The following ATAD2B variants were observed in gnomAD, a reference collection of about 807,000 sequenced individuals.
The protein encoded by ATAD2B is ATPase family AAA domain containing 2B.
ATAD2B carries 40 observed loss-of-function variants against 167.6 expected under a neutral mutation model. That is an observed-to-expected ratio of 0.24 (90% confidence interval 0.19 to 0.31). ATAD2B has a LOEUF of 0.31. ATAD2B is among the 10% of genes least tolerant of loss of function. The pLI is 1.00. For missense variants in ATAD2B, 1,242 were observed against 1,757.2 expected (o/e 0.71, Z 5.24); for synonymous variants, 579 against 596.5 (o/e 0.97, Z 0.43).
At chr2:23,850,535 A>G (rs974305696) in intron 13 of ATAD2B, among the ~76,000 whole-genome samples, 6 of 152,260 alleles carry the variant, frequency 3.9e-5, no homozygotes, top group African/African-American at 1.4e-4. Context: ...ATACTGCTAT[A>G]TAAAAGAAGC....
intron 9 of ATAD2B, among the ~76,000 whole-genome samples, chr2:23,868,187 A>C (rs571367744): frequency 5.3e-5 from 8 of 152,346 alleles, no homozygotes; most frequent in Non-Finnish European, 8.8e-5. Context: ...GAAGAGCCCA[A>C]TCTATTCCAT....
intron 14 of ATAD2B, among the ~76,000 whole-genome samples, chr2:23,830,873 T>G (rs1385106865): frequency 6.6e-6 from 1 of 152,016 alleles, no homozygotes; most frequent in Non-Finnish European, 1.5e-5. Context: ...AAAAAAATTA[T>G]GCTGGAAGAT....
chr2:23,831,405 G>A (rs962501690), intron 14 of ATAD2B, among the ~76,000 whole-genome samples: 2 of 152,236 alleles, frequency 1.3e-5, no homozygotes, highest in African/African-American at 2.4e-5. Flanking sequence ...TAATGAAATA[G>A]CAAGAGTCAT....
the ATAD2B span, among the ~76,000 whole-genome samples, chr2:23,686,678 C>T: frequency 6.6e-6 from 1 of 152,128 alleles, no homozygotes; most frequent in Non-Finnish European, 1.5e-5. Context: ...AGTTGACCAT[C>T]TGGTGTGTCA....
the ATAD2B span, chr2:23,695,804 G>A: frequency 3.2e-6 from 5 of 1,549,614 alleles, no homozygotes; most frequent in Middle Eastern, 1.7e-4. The surrounding 1 kb of genome is among the most constrained non-coding windows in gnomAD (Gnocchi z 7.6). Context: ...CCCCGAACCC[G>A]GCCGCGCCTC....
downstream of ATAD2B, among the ~76,000 whole-genome samples, chr2:23,745,368 A>AGAAGGAAAGAAGGAAGGAAGGAAG (rs1674784602): frequency 3.8e-5 from 2 of 52,882 alleles, no homozygotes; most frequent in African/African-American, 1.6e-4. Flanking sequence ...AAGGAAGGAA[A>AGAAGGAAAGAAGGAAGGAAGGAAG]GAAGGAAGGA....
chr2:23,835,625 T>G (rs939352086), intron 13 of ATAD2B, among the ~76,000 whole-genome samples: 1 of 152,144 alleles, frequency 6.6e-6, no homozygotes. Flanking sequence ...TGAAAGTCAC[T>G]GAACTATGCA....
chr2:23,706,472 C>T, the ATAD2B span: 2 of 1,478,944 alleles, frequency 1.4e-6, no homozygotes, highest in African/African-American at 1.4e-5. Context: ...CCCCGCTTTC[C>T]CCCAACAGTG....
chr2:23,871,288 T>TAA (rs111725128), intron 8 of ATAD2B, among the ~76,000 whole-genome samples: 5,111 of 148,210 alleles, frequency 0.034, 170 homozygotes, highest in African/African-American at 0.089. Flanking sequence ...TCTGCTTTAC[T>TAA]AAAAAAAAAA....
At chr2:23,841,494 G>A (rs1158430052) in intron 13 of ATAD2B, among the ~76,000 whole-genome samples, 1 of 151,764 alleles carries the variant, frequency 6.6e-6, no homozygotes, top group African/African-American at 2.4e-5. Context: ...ATTCATCCAT[G>A]GTGTGGCATG....
intron 13 of ATAD2B, among the ~76,000 whole-genome samples, chr2:23,840,403 A>C (rs1690694114): frequency 6.6e-6 from 1 of 152,164 alleles, no homozygotes; most frequent in Non-Finnish European, 1.5e-5. Flanking sequence ...CAACTTTATT[A>C]GTTTTTTTCA....
chr2:23,830,639 T>G (rs1688901596), intron 14 of ATAD2B, among the ~76,000 whole-genome samples: 1 of 152,186 alleles, frequency 6.6e-6, no homozygotes, highest in Non-Finnish European at 1.5e-5. Flanking sequence ...AAGTTAGGCA[T>G]TCAGCTATGA....
chr2:23,844,396 G>A (rs920448028), intron 13 of ATAD2B, among the ~76,000 whole-genome samples: 1 of 151,038 alleles, frequency 6.6e-6, no homozygotes, highest in African/African-American at 2.4e-5. Flanking sequence ...GTTACATCTG[G>A]CATCCAATAA....
chr2:23,823,314 G>T lies in ATAD2B; in HGVS notation c.2075C>A (p.Ala692Glu), dbSNP rs1230233545. The T allele has an allele frequency of 1.8e-5, 29 of 1,613,624 alleles. No homozygotes were observed. The highest frequency in any genetic ancestry group is 2.4e-5 in the Non-Finnish European group (28 of 1,179,714). Residue 692 changes from alanine to glutamate, a missense_variant, in exon 16 of 28, where the codon GCA becomes GAA. By Grantham distance (107) the Ala-to-Glu change is moderately radical. Transcript: ENST00000238789. ...LLERSFNNIL[A>E]VLQKVFPHAE... ...ATGAGGAAACACTTTTTGCAAGACT[G>T]CTAGGATGTTGTTGAAGCTTCTTTC...
At chr2:23,743,259 T>C in the ATAD2B span, among the ~76,000 whole-genome samples, 1 of 152,094 alleles carries the variant, frequency 6.6e-6, no homozygotes, top group African/African-American at 2.4e-5. Flanking sequence ...ATACCTTACA[T>C]GTTTGGTGAT....
intron 14 of ATAD2B, among the ~76,000 whole-genome samples, chr2:23,829,282 T>C (rs1179991816): frequency 6.6e-6 from 1 of 152,184 alleles, no homozygotes; most frequent in Non-Finnish European, 1.5e-5. Context: ...CATACCACTT[T>C]TACTATTTGA....
chr2:23,833,755 G>GA (rs1235570462), intron 14 of ATAD2B, among the ~76,000 whole-genome samples, 164 bp downstream of exon 14: 3 of 152,046 alleles, frequency 2.0e-5, no homozygotes, highest in Non-Finnish European at 4.4e-5. Flanking sequence ...ATTGTTAATA[G>GA]AAAAAAACTG....
the ATAD2B span, among the ~76,000 whole-genome samples, chr2:23,736,339 T>G: frequency 2.0e-5 from 3 of 152,168 alleles, no homozygotes; most frequent in Non-Finnish European, 2.9e-5. Flanking sequence ...AAGCAGGTTT[T>G]TAGTCCCCCA....
chr2:23,869,628 T>C (rs774022164), intron 9 of ATAD2B, 35 bp downstream of exon 9: 3 of 1,442,582 alleles, frequency 2.1e-6, no homozygotes, highest in Non-Finnish European at 2.9e-6. Context: ...TTTCCTTTTT[T>C]CTACCATGGA....
Sources: allele counts gnomAD v4.1 joint callset (sites outside exome capture counted in the v4.1 genomes callset), GRCh38; gene constraint gnomAD v4.1.1; non-coding constraint Gnocchi (gnomAD v3.1); transcripts MANE v1.5; gene names NCBI Gene and HGNC (gene_info 2026-07-23, HGNC 2026-07-21).